The following HPCAL1 variants were observed in gnomAD, a reference collection of about 807,000 sequenced individuals.
The protein encoded by HPCAL1 is hippocalcin-like protein 1.
A neutral mutation model predicts 17.1 loss-of-function variants in HPCAL1; 8 were observed. That is an observed-to-expected ratio of 0.47 (90% CI 0.27 to 0.84). The LOEUF (loss-of-function observed/expected upper bound fraction) is 0.84, where lower values mean the gene tolerates loss of function less well. HPCAL1 is among the 40% of genes least tolerant of loss of function. The probability of loss-of-function intolerance (pLI) is 0.13; values close to 1 mark genes in which losing one functional copy is unlikely to be tolerated. For synonymous variants in HPCAL1, 112 were observed against 111.4 expected (o/e 1.01, Z -0.03); for missense variants, 165 against 271.1 (o/e 0.61, Z 2.75).
intron 2 of HPCAL1, among the ~76,000 whole-genome samples, chr2:10,399,533 C>CACCGCCACCATCACCGCCACCACT (rs1465635632): frequency 8.0e-6 from 1 of 125,464 alleles, no homozygotes; most frequent in Non-Finnish European, 1.6e-5. Context: ...CCGCCACTGC[C>CACCGCCACCATCACCGCCACCACT]ACCGCCACCA....
intron 1 of HPCAL1, among the ~76,000 whole-genome samples, chr2:10,345,008 A>T (rs1208029760): frequency 3.7e-4 from 38 of 103,476 alleles, no homozygotes; most frequent in Middle Eastern, 0.015. Context: ...TGTGCCTTTC[A>T]GTCTCTTTCT....
chr2:10,364,208 CT>C (rs2125494757), intron 1 of HPCAL1, among the ~76,000 whole-genome samples: 1 of 152,358 alleles, frequency 6.6e-6, no homozygotes, highest in African/African-American at 2.4e-5. Context: ...AGGCGGGTGT[CT>C]GCCTGGGGTC....
intron 1 of HPCAL1, among the ~76,000 whole-genome samples, chr2:10,328,885 C>A (rs1227713145): frequency 2.6e-5 from 4 of 152,110 alleles, no homozygotes; most frequent in African/African-American, 9.7e-5. Context: ...CAGGTTCCTG[C>A]TGACACCCCA....
chr2:10,398,262 G>C (rs1669189316), intron 2 of HPCAL1, among the ~76,000 whole-genome samples: 1 of 152,244 alleles, frequency 6.6e-6, no homozygotes, highest in East Asian at 1.9e-4. Flanking sequence ...CTTGCATCTG[G>C]TGAGTTTGGC....
chr2:10,419,813 ACACGGAGTT>A lies in HPCAL1; in HGVS notation c.60_68del (p.Glu21_Thr23del). On this transcript the variant is annotated inframe_deletion, in exon 3 of 5. Coordinates refer to ENST00000307845, the MANE Select transcript of HPCAL1 (RefSeq NM_002149.4). This position sits in a 1 kb window ranked among gnomAD's most constrained non-coding sequence, Gnocchi z 5.0. ...GAGGTGCTGCAGGACCTGCGGGAGAACACGGAGTTCACCGACCACGAGCTGCAGGAGTGG... is the reference window on the plus strand; with the variant it reads ...GAGGTGCTGCAGGACCTGCGGGAGAACACCGACCACGAGCTGCAGGAGTGG... 1 of 1,613,624 alleles carries A rather than the reference ACACGGAGTT, an allele frequency of 6.2e-7. No individual in the cohort carries two copies. Among genetic ancestry groups the A allele is most frequent in the Non-Finnish European group, 8.5e-7 (1 of 1,179,970 alleles).
chr2:10,402,918 T>G (rs1233146129), intron 2 of HPCAL1, among the ~76,000 whole-genome samples: 1 of 152,146 alleles, frequency 6.6e-6, no homozygotes, highest in Non-Finnish European at 1.5e-5. Context: ...AAACACCTCT[T>G]CAGTCTAACA....
In HPCAL1 at chr2:10,315,135, C is replaced by CA. The variant is rs572579705; in HGVS notation, c.-111+11966dup. ...TGAAACCCCGTCTCTACTAAAAATA[C>CA]AAAAAAAATTAGCCGGGCGTGGTGG... is the stretch of plus-strand genomic sequence containing the variant. On this transcript the variant is annotated intron_variant, in intron 1 of 4. Transcript: ENST00000307845. Among the ~76,000 whole-genome samples, 6 of 151,616 alleles carry CA rather than the reference C, an allele frequency of 4.0e-5. No individual in the cohort carries two copies. In the East Asian group the frequency reaches 7.7e-4, roughly 20 times the overall value.
At chr2:10,396,390 C>T (rs1669026049) in intron 1 of HPCAL1, among the ~76,000 whole-genome samples, 1 of 152,210 alleles carries the variant, frequency 6.6e-6, no homozygotes. Context: ...GTGCCTGATT[C>T]CACTGAACCC....
intron 1 of HPCAL1, among the ~76,000 whole-genome samples, chr2:10,319,193 G>A (rs1340892819): frequency 6.6e-6 from 1 of 152,198 alleles, no homozygotes; most frequent in Non-Finnish European, 1.5e-5. Context: ...GGCTTCCCTT[G>A]TGGAAATTTG....
intron 2 of HPCAL1, among the ~76,000 whole-genome samples, chr2:10,398,979 T>C (rs916864688): frequency 1.4e-4 from 21 of 151,988 alleles, no homozygotes; most frequent in Non-Finnish European, 2.4e-4. Flanking sequence ...TCTGGGTCCG[T>C]GTTACCTGGA....
At chr2:10,356,138 G>A (rs1334318850) in intron 1 of HPCAL1, among the ~76,000 whole-genome samples, 1 of 152,188 alleles carries the variant, frequency 6.6e-6, no homozygotes, top group Non-Finnish European at 1.5e-5. Context: ...AACCTTAAGA[G>A]GCAGGTGTTA....
In HPCAL1 at chr2:10,323,985, G is replaced by T. The variant is rs1663832910; in HGVS notation, c.-111+20808G>T. Among the ~76,000 whole-genome samples the T allele has an allele frequency of 6.6e-6, 1 of 152,192 alleles. No individual in the cohort carries two copies. Among genetic ancestry groups the T allele is most frequent in the South Asian group, 2.1e-4 (1 of 4,832 alleles). On this transcript the variant is annotated intron_variant, in intron 1 of 4. Coordinates refer to ENST00000307845, the MANE Select transcript of HPCAL1 (RefSeq NM_002149.4). The surrounding 1 kb of genome is among the most constrained non-coding windows in gnomAD (Gnocchi z 4.6). ...CAAAAGCTCTTGTCATTTCAGAAAA[G>T]GAAGGAGAATTAAGTAAAATGTACT...
At chr2:10,383,210 A>G (rs1037543632) in intron 1 of HPCAL1, among the ~76,000 whole-genome samples, 1 of 152,186 alleles carries the variant, frequency 6.6e-6, no homozygotes, top group Admixed American at 6.5e-5. Context: ...CCTCTCTACA[A>G]AAGTAAACAA....
intron 4 of HPCAL1, 40 bp downstream of exon 4, chr2:10,423,128 G>A (rs77395696): frequency 1.2e-5 from 18 of 1,448,340 alleles, no homozygotes; most frequent in East Asian, 2.3e-5. Flanking sequence ...TGTACGCCAC[G>A]GTAGGGGCAA....
Position 10,344,186 on chromosome 2 carries a change from C to G in HPCAL1, c.-111+41009C>G, listed in dbSNP as rs973954364. On this transcript the variant is annotated intron_variant, in intron 1 of 4. Coordinates refer to ENST00000307845, the MANE Select transcript of HPCAL1 (RefSeq NM_002149.4). The surrounding 1 kb of genome is among the most constrained non-coding windows in gnomAD (Gnocchi z 4.9). ...TACAGCTTTGATCTCGAAGTCTCGG[C>G]CGCTCCTGGCTCAGAGGACCCTGGG... is the stretch of plus-strand genomic sequence containing the variant. Among the ~76,000 whole-genome samples, 1 of 152,216 alleles carries G rather than the reference C, an allele frequency of 6.6e-6. No individual in the cohort carries two copies.
Position 10,387,306 on chromosome 2 carries a change from G to A in HPCAL1, c.-110-9529G>A, listed in dbSNP as rs73163028. Among the ~76,000 whole-genome samples the A allele has an allele frequency of 1.3e-3, 196 of 152,380 alleles. 1 individual carries two copies. Among genetic ancestry groups the A allele is most frequent in the African/African-American group, 4.4e-3 (182 of 41,592 alleles). ...GCAGTGGGATGCCCACGGTACCGTG[G>A]AGGAAGCAGTCCTGGAGGAAGGGTG... On this transcript the variant is annotated intron_variant, in intron 1 of 4. Transcript: ENST00000307845.
intron 1 of HPCAL1, among the ~76,000 whole-genome samples, chr2:10,319,278 T>C (rs933318651): frequency 2.0e-5 from 3 of 152,194 alleles, no homozygotes; most frequent in African/African-American, 4.8e-5. Context: ...CTCTGCAAGA[T>C]GTCAGCCCAT....
At chr2:10,372,454 T>C (rs7563835) in intron 1 of HPCAL1, among the ~76,000 whole-genome samples, 109,681 of 151,880 alleles carry the variant, frequency 0.72, 40,921 homozygotes, top group East Asian at 0.96. Context: ...CCAGTTGGAT[T>C]GAGGAGGCAG....
chr2:10,334,691 T>C (rs1041439543), intron 1 of HPCAL1, among the ~76,000 whole-genome samples: 1 of 147,092 alleles, frequency 6.8e-6, no homozygotes. Context: ...TACAATTCCA[T>C]TGACTTTTTT....
Sources: allele counts gnomAD v4.1 joint callset (sites outside exome capture counted in the v4.1 genomes callset), GRCh38; gene constraint gnomAD v4.1.1; non-coding constraint Gnocchi (gnomAD v3.1); transcripts MANE v1.5; gene names NCBI Gene and HGNC (gene_info 2026-07-23, HGNC 2026-07-21).